FAM227A: variants seen among roughly 807,000 people sequenced by gnomAD.
FAM227A encodes family with sequence similarity 227 member A.
FAM227A carries 80 observed loss-of-function variants against 74.7 expected under a neutral mutation model. The observed-to-expected ratio is 1.07, with a 90% confidence interval of 0.89 to 1.29. The LOEUF (loss-of-function observed/expected upper bound fraction) is 1.29, where lower values mean the gene tolerates loss of function less well. FAM227A is among the 50% of genes most tolerant of loss of function. The probability of loss-of-function intolerance (pLI) is 0.00; values close to 1 mark genes in which losing one functional copy is unlikely to be tolerated. For synonymous variants in FAM227A, 237 were observed against 241.8 expected (o/e 0.98, Z 0.19); for missense variants, 654 against 683.4 (o/e 0.96, Z 0.48).
At chr22:38,617,745 T>C (rs868215228) in intron 11 of FAM227A, among the ~76,000 whole-genome samples, 9 of 152,174 alleles carry the variant, frequency 5.9e-5, no homozygotes, top group Non-Finnish European at 7.3e-5. Flanking sequence ...TCACCTATAA[T>C]TGAAGCACTT....
At chr22:38,598,033 ACT>A (rs1223753217) in intron 14 of FAM227A, among the ~76,000 whole-genome samples, 3 of 112,918 alleles carry the variant, frequency 2.7e-5, no homozygotes, top group African/African-American at 3.7e-5. Context: ...ACAGAGTGAG[ACT>A]CTGTCTCAAA....
At position 38,585,720 on chromosome 22, in the gene FAM227A, C is replaced by T. The variant is rs374404279; in HGVS notation, c.*405G>A. The T allele has an allele frequency of 2.0e-5, 5 of 249,596 alleles. No individual in the cohort carries two copies. Among genetic ancestry groups the T allele is most frequent in the East Asian group, 1.6e-4 (2 of 12,574 alleles). The allele number at this position is 249,596 out of a possible 1,614,324, so 15.5% of individuals were successfully genotyped here. On this transcript the variant is annotated 3_prime_UTR_variant, in exon 17 of 17. Coordinates refer to ENST00000535113, the MANE Select transcript of FAM227A (RefSeq NM_001013647.2). The stretch of plus-strand genomic sequence containing the variant: ...CTTGAGAACAGGGACTGTGTCTTAT[C>T]TACTGTTAATTACCCAGTGTCTACA...
chr22:38,615,323 CAG>C (rs778614726), intron 11 of FAM227A, among the ~76,000 whole-genome samples: 14 of 152,162 alleles, frequency 9.2e-5, no homozygotes, highest in Non-Finnish European at 1.5e-4. Flanking sequence ...CGCGCCCGGA[CAG>C]AGTTTACCTT....
chr22:38,647,505 T>C (rs1006928080), intron 2 of FAM227A, among the ~76,000 whole-genome samples: 4 of 152,052 alleles, frequency 2.6e-5, no homozygotes, highest in African/African-American at 9.7e-5. Flanking sequence ...CTGTGATGCA[T>C]GTGTGATGTC....
At chr22:38,605,403 C>T (rs563500064) in intron 12 of FAM227A, 55 bp from the exon 13 acceptor site, 1 of 1,009,794 alleles carries the variant, frequency 9.9e-7, no homozygotes, top group Non-Finnish European at 1.5e-6. Flanking sequence ...AATTCTCGTG[C>T]CTCAGCCTCC....
chr22:38,625,163 G>T (rs1314627919), intron 9 of FAM227A, among the ~76,000 whole-genome samples: 2 of 152,058 alleles, frequency 1.3e-5, no homozygotes, highest in African/African-American at 4.8e-5. Flanking sequence ...GCCTTGTTGG[G>T]CGGATGACGA....
In FAM227A at chr22:38,645,577, A is replaced by T. The variant is rs201920502; in HGVS notation, c.211T>A (p.Ser71Thr). ...AGGTAACTCACCAGGCTGTTGGCCGACGGCTCGGTACGCAGATTTATGTCA... is the reference window on the plus strand; with the variant it reads ...AGGTAACTCACCAGGCTGTTGGCCGTCGGCTCGGTACGCAGATTTATGTCA... ...IADINLRTEP[S>T]ANSLAIERFE... Residue 71 changes from serine to threonine, a missense_variant, in exon 3 of 17, where the codon TCG (serine) becomes ACG (threonine). Coordinates refer to ENST00000535113, the MANE Select transcript of FAM227A (RefSeq NM_001013647.2). 1 of 1,551,332 alleles carries T rather than the reference A, an allele frequency of 6.4e-7. No individual in the cohort carries two copies. The highest frequency in any genetic ancestry group is 2.0e-5 in the Admixed American group (1 of 50,952).
chr22:38,624,329 C>T (rs1326424977), intron 9 of FAM227A, among the ~76,000 whole-genome samples: 1 of 151,868 alleles, frequency 6.6e-6, no homozygotes, highest in Non-Finnish European at 1.5e-5. Flanking sequence ...CACTTGCACC[C>T]TGGAGGCAGA....
chr22:38,614,212 G>A (rs984432650), intron 11 of FAM227A, among the ~76,000 whole-genome samples: 16 of 152,150 alleles, frequency 1.1e-4, no homozygotes, highest in African/African-American at 3.4e-4. Context: ...AGAGACGCAG[G>A]AGAGAATATC....
chr22:38,601,987 C>A lies in FAM227A; in HGVS notation c.1222-2066G>T, dbSNP rs368394870. Among the ~76,000 whole-genome samples the A allele has an allele frequency of 2.9e-4, 44 of 152,056 alleles. 1 individual carries two copies. In the East Asian group the frequency reaches 7.3e-3, roughly 25 times the overall value. On this transcript the variant is annotated intron_variant, in intron 13 of 16. Coordinates refer to ENST00000535113, the MANE Select transcript of FAM227A (RefSeq NM_001013647.2). Reference sequence around the variant, plus strand: ...TGGTTTGTTTTCTTCTGCCTTTTTCCAAAAATGACAATACTGCTTTTGTGT... The same window carrying A: ...TGGTTTGTTTTCTTCTGCCTTTTTCAAAAAATGACAATACTGCTTTTGTGT...
rs1295559581 is a variant in FAM227A, at chr22:38,620,259, C to T, written c.991G>A (p.Ala331Thr). 6.4e-7 allele frequency: 1 copy of T among 1,551,418 alleles called. No individual in the cohort carries two copies. The highest frequency in any genetic ancestry group is 8.7e-7 in the Non-Finnish European group (1 of 1,146,758). Residue 331 changes from alanine to threonine, a missense_variant, in exon 11 of 17, where the codon GCC becomes ACC. Physicochemically the swap from Ala to Thr is moderately conservative, Grantham distance 58. Coordinates refer to ENST00000535113, the MANE Select transcript of FAM227A (RefSeq NM_001013647.2). ...REFSLFAGKRAFSQKPAQSRK... is the reference protein window; with the variant it reads ...REFSLFAGKRTFSQKPAQSRK... The stretch of plus-strand genomic sequence containing the variant: ...CTCTGGGCTGGCTTCTGGGAGAAGG[C>T]TCTCTTACCAGCAAACAAAGAAAAC...
intron 6 of FAM227A, among the ~76,000 whole-genome samples, chr22:38,634,672 C>T (rs1009004022): frequency 2.0e-5 from 3 of 152,176 alleles, no homozygotes; most frequent in Non-Finnish European, 2.9e-5. Context: ...TGTACACTGT[C>T]CTGTAGGGAA....
intron 14 of FAM227A, among the ~76,000 whole-genome samples, chr22:38,598,539 ACT>A (rs2091099792): frequency 6.6e-6 from 1 of 152,128 alleles, no homozygotes; most frequent in Non-Finnish European, 1.5e-5. Flanking sequence ...TGTTGTTATT[ACT>A]CTCTCCCTAT....
intron 16 of FAM227A, among the ~76,000 whole-genome samples, chr22:38,590,359 C>T (rs924758398): frequency 1.3e-5 from 2 of 150,456 alleles, no homozygotes; most frequent in Non-Finnish European, 3.0e-5. Context: ...GTTTTGGGAA[C>T]TGCTAGAAGA....
At chr22:38,636,655 T>A in intron 5 of FAM227A, 58 bp from the exon 6 acceptor site, 3 of 1,442,620 alleles carry the variant, frequency 2.1e-6, no homozygotes, top group South Asian at 2.7e-5. Context: ...TGTGAAACAA[T>A]AGGCTAGCTT....
rs377170475 is a variant in FAM227A at position 38,599,868 on chromosome 22, A to G, written c.1275T>C (p.Tyr425=). 13 of 1,551,484 alleles carry G rather than the reference A, an allele frequency of 8.4e-6. No homozygotes were observed. Among genetic ancestry groups the G allele is most frequent in the African/African-American group, 2.7e-5 (2 of 73,028 alleles). ...PELTSNLFNI[Y]GKSPLIVYFL... ...AGTACACAATCAGAGGGCTCTTCCC[A>G]TAAATGTTGAAGAGGTTTGAAGTCA... The change falls in exon 14 of 17, where the codon TAT becomes TAC. Residue 425 remains tyrosine, a synonymous_variant. Transcript: ENST00000535113.
chr22:38,601,020 A>T (rs1461298222), intron 13 of FAM227A, among the ~76,000 whole-genome samples: 2 of 152,130 alleles, frequency 1.3e-5, no homozygotes, highest in Non-Finnish European at 2.9e-5. Flanking sequence ...TCTTACCAAA[A>T]CGTTAATAAT....
At chr22:38,645,509 C>T in intron 3 of FAM227A, 54 bp downstream of exon 3, 2 of 1,241,810 alleles carry the variant, frequency 1.6e-6, no homozygotes, top group Non-Finnish European at 2.3e-6. Context: ...TTGATGATCC[C>T]CGGGGCCCTT....
chr22:38,642,863 G>A (rs988847658), intron 3 of FAM227A, among the ~76,000 whole-genome samples: 1 of 152,174 alleles, frequency 6.6e-6, no homozygotes, highest in Non-Finnish European at 1.5e-5. Flanking sequence ...TTGAACCCAG[G>A]AGGTGGAGGT....
Sources: gnomAD v4.1 joint callset for allele counts (sites outside exome capture counted in the v4.1 genomes callset) on GRCh38, gnomAD v4.1.1 for gene constraint, MANE v1.5 for transcripts, NCBI Gene and HGNC (gene_info 2026-07-23, HGNC 2026-07-21) for gene names.